ULK2: variants seen among roughly 807,000 people sequenced by gnomAD.
ULK2 encodes serine/threonine-protein kinase ULK2.
In ULK2, 76 loss-of-function variants were observed where a neutral mutation model predicts 127.5. The observed-to-expected ratio is 0.60, with a 90% CI of 0.50 to 0.72. ULK2 has a LOEUF of 0.72. Among genes scored for constraint, ULK2 ranks in the 30% least tolerant of loss-of-function variants. ULK2 has a pLI of 0.00. For synonymous variants in ULK2, 452 were observed against 461.9 expected (o/e 0.98, Z 0.28); for missense variants, 1,144 against 1,295.9 (o/e 0.88, Z 1.80).
At chr17:19,866,470 G>A (rs544882516) in intron 1 of ULK2, among the ~76,000 whole-genome samples, 8 of 152,038 alleles carry the variant, frequency 5.3e-5, no homozygotes, top group Admixed American at 3.3e-4. Context: ...ATCTCGCCAC[G>A]GCACTCCAGC....
chr17:19,831,867 T>C (rs1396854493), intron 10 of ULK2, among the ~76,000 whole-genome samples: 5 of 151,758 alleles, frequency 3.3e-5, no homozygotes, highest in African/African-American at 1.2e-4. Context: ...GGCTCACACT[T>C]GTAATCCCAG....
At chr17:19,790,149 G>C (rs1308742204) in intron 20 of ULK2, among the ~76,000 whole-genome samples, 2 of 152,158 alleles carry the variant, frequency 1.3e-5, no homozygotes, top group Admixed American at 6.5e-5. Flanking sequence ...GGGAGTGGTG[G>C]CTCAAGCCTG....
At chr17:19,853,895 A>G (rs988925427) in intron 3 of ULK2, among the ~76,000 whole-genome samples, 1 of 152,206 alleles carries the variant, frequency 6.6e-6, no homozygotes, top group Non-Finnish European at 1.5e-5. Context: ...TAATAACATC[A>G]CCATGAGTGA....
At chr17:19,819,967 T>A (rs1028145180) in intron 12 of ULK2, among the ~76,000 whole-genome samples, 1 of 152,272 alleles carries the variant, frequency 6.6e-6, no homozygotes, top group African/African-American at 2.4e-5. Flanking sequence ...TCCTCCACCC[T>A]GCTTTTGGGA....
chr17:19,815,205 A>G (rs2040956354), intron 13 of ULK2, among the ~76,000 whole-genome samples: 1 of 152,158 alleles, frequency 6.6e-6, no homozygotes, highest in African/African-American at 2.4e-5. Context: ...ACCCCTAGCA[A>G]GAGCAGAAAG....
rs753045858 is a variant in ULK2, at chr17:19,804,734, T to C, written c.1254A>G (p.Thr418=). Residue 418 remains threonine, a synonymous_variant, in exon 15 of 27, where the codon ACA becomes ACG. Coordinates refer to ENST00000395544, the MANE Select transcript of ULK2 (RefSeq NM_014683.4). The part of the protein sequence containing the change: ...RNYQRIEQNL[T]STASSGTNVH... ...CATTTGTGCCTGAGCTGGCAGTAGATGTAAGATTCTGCTCTATGCGCTGAT... is the reference window on the plus strand; with the variant it reads ...CATTTGTGCCTGAGCTGGCAGTAGACGTAAGATTCTGCTCTATGCGCTGAT... The C allele has an allele frequency of 6.2e-7, 1 of 1,610,026 alleles. No homozygotes were observed. Among genetic ancestry groups the C allele is most frequent in the Non-Finnish European group, 8.5e-7 (1 of 1,177,692 alleles).
At chr17:19,786,133 A>T (rs369102608) in intron 20 of ULK2, 47 bp from the exon 21 acceptor site, 1 of 1,514,908 alleles carries the variant, frequency 6.6e-7, no homozygotes, top group Non-Finnish European at 8.8e-7. Context: ...GATAGTGTTT[A>T]TATCTGGGAG....
chr17:19,798,388 C>G (rs2087321893), intron 17 of ULK2, among the ~76,000 whole-genome samples: 1 of 152,170 alleles, frequency 6.6e-6, no homozygotes, highest in African/African-American at 2.4e-5. Context: ...TGTTTCCCCC[C>G]TACAAACCTT....
chr17:19,788,592 G>A (rs559902610), intron 20 of ULK2, among the ~76,000 whole-genome samples: 1 of 152,138 alleles, frequency 6.6e-6, no homozygotes, highest in South Asian at 2.1e-4. Flanking sequence ...TGGGCCTTGG[G>A]TGAGACTCTG....
chr17:19,796,400 G>T, intron 18 of ULK2, 118 bp from the exon 19 acceptor site: 1 of 957,940 alleles, frequency 1.0e-6, no homozygotes. Flanking sequence ...TAGGTCGGGT[G>T]GTGGGAAAAA....
At chr17:19,803,222 A>C (rs1368267109) in intron 15 of ULK2, among the ~76,000 whole-genome samples, 3 of 152,244 alleles carry the variant, frequency 2.0e-5, no homozygotes, top group African/African-American at 4.8e-5. Context: ...TAGAACAATC[A>C]TACAATGCTT....
Position 19,772,423 on chromosome 17 carries a change from T to C in ULK2, c.*3926A>G, listed in dbSNP as rs907333546. ...ACTTGGGAGGGACCCAAGAGCTTGC[T>C]TGGCTGCAGATTCAAGGGTCCAGGA... is the stretch of plus-strand genomic sequence containing the variant. On this transcript the variant is annotated 3_prime_UTR_variant, in exon 27 of 27. Transcript: ENST00000395544. 6.6e-6 allele frequency: 1 copy of C among 152,174 alleles called. No individual in the cohort carries two copies. Among genetic ancestry groups the C allele is most frequent in the African/African-American group, 2.4e-5 (1 of 41,444 alleles). The allele number at this position is 152,174 out of a possible 1,614,324, so 9.4% of individuals were successfully genotyped here.
intron 10 of ULK2, among the ~76,000 whole-genome samples, chr17:19,838,015 C>G (rs542834065): frequency 6.6e-6 from 1 of 152,210 alleles, no homozygotes; most frequent in African/African-American, 2.4e-5. Context: ...CTCAAGCTTA[C>G]AGGCATGCTC....
chr17:19,776,774 C>T (rs2086819301), intron 26 of ULK2, among the ~76,000 whole-genome samples: 1 of 152,200 alleles, frequency 6.6e-6, no homozygotes, highest in African/African-American at 2.4e-5. Context: ...CATCAATCTC[C>T]AGTCTGCTAT....
intron 5 of ULK2, among the ~76,000 whole-genome samples, chr17:19,847,254 C>T (rs1191239747): frequency 6.6e-6 from 1 of 152,148 alleles, no homozygotes; most frequent in East Asian, 1.9e-4. Context: ...AAGCCAAAAG[C>T]TAAGTTCCCT....
intron 3 of ULK2, among the ~76,000 whole-genome samples, chr17:19,863,506 T>G (rs954227358): frequency 2.4e-4 from 36 of 151,218 alleles, no homozygotes; most frequent in Non-Finnish European, 4.7e-4. Flanking sequence ...GTTTTTTTTT[T>G]TTTTTTTTTT....
chr17:19,795,852 T>C (rs2087257306), intron 19 of ULK2, 127 bp from the exon 20 acceptor site: 1 of 975,378 alleles, frequency 1.0e-6, no homozygotes, highest in South Asian at 1.6e-5. Context: ...GAGATAAACT[T>C]CAATAATACA....
chr17:19,772,639 T>C lies in ULK2; in HGVS notation c.*3710A>G, dbSNP rs760003215. 6.6e-6 allele frequency: 1 copy of C among 152,212 alleles called. No individual in the cohort carries two copies. Among genetic ancestry groups the C allele is most frequent in the Non-Finnish European group, 1.5e-5 (1 of 68,044 alleles). 9.4% of individuals were successfully genotyped at this position (152,212 alleles called of 1,614,324 possible). On this transcript the variant is annotated 3_prime_UTR_variant, in exon 27 of 27. Coordinates refer to ENST00000395544, the MANE Select transcript of ULK2 (RefSeq NM_014683.4). ...ATAGAAAATACGAGGGAGCATAGTTTAAAAAGTGTGAAGTCCTCCTCCAAA... is the reference window on the plus strand; with the variant it reads ...ATAGAAAATACGAGGGAGCATAGTTCAAAAAGTGTGAAGTCCTCCTCCAAA...
Position 19,843,361 on chromosome 17 carries a change from T to C in ULK2, c.544-139A>G, listed in dbSNP as rs535873263. On this transcript the variant is annotated intron_variant, in intron 7 of 26. Transcript: ENST00000395544. ...ACCCTGTGATAGTTCTCTAATCAAATAATAAGGCAAAGAACTTACAACATA... is the reference window on the plus strand; with the variant it reads ...ACCCTGTGATAGTTCTCTAATCAAACAATAAGGCAAAGAACTTACAACATA... 9.3e-5 allele frequency: 48 copies of C among 514,570 alleles called. No individual in the cohort carries two copies. The South Asian group carries it at 1.7e-3, about 18-fold the overall frequency. The allele number at this position is 514,570 out of a possible 1,614,324, so 31.9% of individuals were successfully genotyped here.
Sources: gnomAD v4.1 joint callset for allele counts (sites outside exome capture counted in the v4.1 genomes callset) on GRCh38, gnomAD v4.1.1 for gene constraint, MANE v1.5 for transcripts, NCBI Gene and HGNC (gene_info 2026-07-23, HGNC 2026-07-21) for gene names.